AP1M1: variants seen among roughly 807,000 people sequenced by gnomAD.
AP1M1 encodes AP-1 complex subunit mu-1.
Under a neutral mutation model 57.1 loss-of-function variants are expected in AP1M1, and 18 were observed. The ratio of observed to expected loss-of-function variants is 0.32; its 90% CI spans 0.22 to 0.47. The LOEUF (loss-of-function observed/expected upper bound fraction) is 0.47, where lower values mean the gene tolerates loss of function less well. Among genes scored for constraint, AP1M1 ranks in the 20% least tolerant of loss-of-function variants. The pLI, the probability that AP1M1 is intolerant of heterozygous loss-of-function variation, is 1.00. For missense variants in AP1M1, 362 were observed against 593.5 expected (o/e 0.61, Z 4.05); for synonymous variants, 241 against 237.9 (o/e 1.01, Z -0.12).
At chr19:16,234,146 G>T in intron 10 of AP1M1, 53 bp from the exon 11 acceptor site, 1 of 1,548,740 alleles carries the variant, frequency 6.5e-7, no homozygotes, top group South Asian at 1.2e-5. Flanking sequence ...ATTAAGGGGG[G>T]ACCAACAGGG....
intron 5 of AP1M1, among the ~76,000 whole-genome samples, chr19:16,225,831 G>C (rs926551250): frequency 6.6e-6 from 1 of 152,082 alleles, no homozygotes; most frequent in Non-Finnish European, 1.5e-5. Context: ...ATAAGCCCTG[G>C]GGGGTGAGGG....
chr19:16,212,964 C>G (rs1231768099), intron 5 of AP1M1, among the ~76,000 whole-genome samples: 4 of 152,092 alleles, frequency 2.6e-5, no homozygotes, highest in Non-Finnish European at 5.9e-5. Context: ...GAGAGAGTGG[C>G]TGGTATGCTT....
chr19:16,233,716 G>A, intron 10 of AP1M1, 98 bp downstream of exon 10: 2 of 1,449,600 alleles, frequency 1.4e-6, no homozygotes, highest in African/African-American at 1.4e-5. Context: ...TCAGTCAGCT[G>A]CAATCAGGAC....
chr19:16,199,176 A>G (rs1356330861), intron 1 of AP1M1, among the ~76,000 whole-genome samples: 1 of 152,122 alleles, frequency 6.6e-6, no homozygotes, highest in African/African-American at 2.4e-5. Context: ...CAAAAACACA[A>G]ATAAATGTCA....
chr19:16,231,533 G>C (rs56195296), intron 9 of AP1M1, among the ~76,000 whole-genome samples: 1 of 151,846 alleles, frequency 6.6e-6, no homozygotes, highest in Non-Finnish European at 1.5e-5. Flanking sequence ...GGGTTCAAGC[G>C]ATTCTCCTGC....
chr19:16,224,319 G>T (rs1047911950), intron 5 of AP1M1, among the ~76,000 whole-genome samples: 1 of 152,200 alleles, frequency 6.6e-6, no homozygotes, highest in Non-Finnish European at 1.5e-5. Flanking sequence ...GCAGGAAAGC[G>T]CTAGGGCTGC....
At chr19:16,233,187 C>G (rs557803794) in intron 9 of AP1M1, among the ~76,000 whole-genome samples, 1 of 152,174 alleles carries the variant, frequency 6.6e-6, no homozygotes, top group Non-Finnish European at 1.5e-5. Flanking sequence ...GGGAGCTGGG[C>G]GGGGGGTGCT....
rs11879669 is a variant in AP1M1 at position 16,231,403 on chromosome 19, T to A, written c.1048-2090T>A. ...TCCATACTAAAAGTTTTTTTTTTTT[T>A]AGGTTAGTTTTTTTTGTTTCTGAGA... On this transcript the variant is annotated intron_variant, in intron 9 of 11. Coordinates refer to ENST00000291439, the MANE Select transcript of AP1M1 (RefSeq NM_032493.4). Among the ~76,000 whole-genome samples, 317 of 151,666 alleles carry A rather than the reference T, an allele frequency of 2.1e-3. 3 individuals are homozygous for A. The highest frequency in any genetic ancestry group is 7.4e-3 in the African/African-American group (305 of 41,270).
In AP1M1 at chr19:16,227,847, G is replaced by A. The variant is rs2091577875; in HGVS notation, c.816+157G>A. On this transcript the variant is annotated intron_variant, in intron 7 of 11. Coordinates refer to ENST00000291439, the MANE Select transcript of AP1M1 (RefSeq NM_032493.4). The surrounding 1 kb of genome is among the most constrained non-coding windows in gnomAD (Gnocchi z 6.2). ...GGAGTCTGAGGACTTGGGACTCCGA[G>A]CTTTCTGAGGGGCACAGACCCCTTT... 6.6e-6 allele frequency among the ~76,000 whole-genome samples: 1 copy of A among 152,156 alleles called. No individual in the cohort carries two copies. Among genetic ancestry groups the A allele is most frequent in the Non-Finnish European group, 1.5e-5 (1 of 68,002 alleles).
chr19:16,200,789 G>A (rs1360966946), intron 1 of AP1M1, among the ~76,000 whole-genome samples: 2 of 152,194 alleles, frequency 1.3e-5, no homozygotes, highest in African/African-American at 2.4e-5. Flanking sequence ...GCTCCCTTCC[G>A]CTTCCAGGAG....
rs1400319432 is a variant in AP1M1, at chr19:16,234,289, A to G, written c.1249+15A>G. 1.9e-6 allele frequency: 3 copies of G among 1,613,176 alleles called. No individual in the cohort carries two copies. Among genetic ancestry groups the G allele is most frequent in the Non-Finnish European group, 2.5e-6 (3 of 1,179,578 alleles). ...GCAGAATGGAGGTGAGTGAGGCCCT[A>G]CCCGTGGGGTGGGGTTGTACTGAGG... On this transcript the variant is annotated intron_variant, in intron 11 of 11. Transcript: ENST00000291439.
At chr19:16,210,861 A>G (rs559478769) in intron 5 of AP1M1, among the ~76,000 whole-genome samples, 75 of 152,276 alleles carry the variant, frequency 4.9e-4, no homozygotes, top group African/African-American at 1.8e-3. Context: ...CGCCTGGCCT[A>G]TTCCATTTTC....
intron 2 of AP1M1, among the ~76,000 whole-genome samples, chr19:16,205,183 A>G (rs910481988): frequency 1.8e-4 from 27 of 152,034 alleles, no homozygotes; most frequent in African/African-American, 6.0e-4. Context: ...CCGCCCAGGT[A>G]TTGGGAGAGG....
chr19:16,211,741 C>A (rs1374032670), intron 5 of AP1M1, among the ~76,000 whole-genome samples: 4 of 151,834 alleles, frequency 2.6e-5, no homozygotes, highest in Admixed American at 6.5e-5. Flanking sequence ...CAGAGCAAGA[C>A]CCTGTTTCAA....
chr19:16,228,725 C>T lies in AP1M1; in HGVS notation c.889-45C>T. The T allele has an allele frequency of 6.2e-7, 1 of 1,606,322 alleles. No individual in the cohort carries two copies. Among genetic ancestry groups the T allele is most frequent in the South Asian group, 1.1e-5 (1 of 90,898 alleles). On this transcript the variant is annotated intron_variant, in intron 8 of 11. Transcript: ENST00000291439. This position sits in a 1 kb window ranked among gnomAD's most constrained non-coding sequence, Gnocchi z 5.0. ...TGTGTCCTGGAGAGGCTGGCCAGCT[C>T]ACCTTGGCCTCCATAACCCCGGGCC...
rs759304514 is a variant in AP1M1, at chr19:16,209,062, CAG to C, written c.432_433del (p.Ala146ProfsTer24). 43 of 1,614,190 alleles carry C rather than the reference CAG, an allele frequency of 2.7e-5. No homozygotes were observed. Among genetic ancestry groups the C allele is most frequent in the South Asian group, 5.5e-5 (5 of 91,086 alleles). On this transcript the variant is annotated frameshift_variant, in exon 5 of 12. Coordinates refer to ENST00000291439, the MANE Select transcript of AP1M1 (RefSeq NM_032493.4). LOFTEE classifies it high-confidence loss of function. ...ACTCAGGAAGGCCACAAGCTGGAAACAGGGGCCCCGCGGCCACCAGCCACCGT... is the reference window on the plus strand; with the variant it reads ...ACTCAGGAAGGCCACAAGCTGGAAACGGGCCCCGCGGCCACCAGCCACCGT...
chr19:16,242,003 G>GAAAGAA lies in AP1M1; in HGVS notation c.*7581_*7586dup, dbSNP rs869201545. The GAAAGAA allele has an allele frequency of 2.6e-5, 4 of 151,840 alleles. No homozygotes were observed. Among genetic ancestry groups the GAAAGAA allele is most frequent in the South Asian group, 2.1e-4 (1 of 4,800 alleles). The allele number at this position is 151,840 out of a possible 1,614,324, so 9.4% of individuals were successfully genotyped here. A position where few individuals can be genotyped will look rare whatever the true frequency, so the allele number is the denominator to read the frequency against. ...CGAAACTCCATCTCAAAAAAAAAAAGAAAGAAAAAGAAAAAGAACAATCAG... is the reference window on the plus strand; with the variant it reads ...CGAAACTCCATCTCAAAAAAAAAAAGAAAGAAAAAGAAAAAGAAAAAGAACAATCAG... On this transcript the variant is annotated 3_prime_UTR_variant, in exon 12 of 12. Coordinates refer to ENST00000291439, the MANE Select transcript of AP1M1 (RefSeq NM_032493.4).
In AP1M1 at chr19:16,241,658, T is replaced by G. The variant is rs1376387595; in HGVS notation, c.*7223T>G. 6.6e-6 allele frequency: 1 copy of G among 152,024 alleles called. No individual in the cohort carries two copies. The highest frequency in any genetic ancestry group is 1.5e-5 in the Non-Finnish European group (1 of 68,016). The allele number at this position is 152,024 out of a possible 1,614,324, so 9.4% of individuals were successfully genotyped here. Reference sequence around the variant, plus strand: ...TTGGAAAAGGGTTGAAAGAAAACTTTTAACAGATTAATAGGAAGAAGGAAA... The same window carrying G: ...TTGGAAAAGGGTTGAAAGAAAACTTGTAACAGATTAATAGGAAGAAGGAAA... On this transcript the variant is annotated 3_prime_UTR_variant, in exon 12 of 12. Transcript: ENST00000291439.
chr19:16,199,783 T>C (rs1213085095), intron 1 of AP1M1, among the ~76,000 whole-genome samples: 1 of 152,118 alleles, frequency 6.6e-6, no homozygotes, highest in Non-Finnish European at 1.5e-5. Context: ...CCTGGTGGAA[T>C]GAGTCTTGCT....
Sources: allele counts gnomAD v4.1 joint callset (sites outside exome capture counted in the v4.1 genomes callset), GRCh38; gene constraint gnomAD v4.1.1; non-coding constraint Gnocchi (gnomAD v3.1); transcripts MANE v1.5; gene names NCBI Gene and HGNC (gene_info 2026-07-23, HGNC 2026-07-21).